SHROOM3: variants seen among roughly 807,000 people sequenced by gnomAD.
The protein encoded by SHROOM3 is protein Shroom3.
A neutral mutation model predicts 138.6 loss-of-function variants in SHROOM3; 47 were observed. The observed-to-expected ratio is 0.34, with a 90% CI of 0.27 to 0.43. The LOEUF (loss-of-function observed/expected upper bound fraction) is 0.43. Among genes scored for constraint, SHROOM3 ranks in the 20% least tolerant of loss-of-function variants. The pLI, the probability that SHROOM3 is intolerant of heterozygous loss-of-function variation, is 1.00. For missense variants in SHROOM3, 2,491 were observed against 2,596.5 expected, an observed-to-expected ratio of 0.96 and a Z score of 0.88; for synonymous variants, 1,062 against 1,063.3, an observed-to-expected ratio of 1.00 and a Z score of 0.02.
chr4:76,768,676 A>C (rs999315619), intron 9 of SHROOM3, among the ~76,000 whole-genome samples: 1 of 152,006 alleles, frequency 6.6e-6, no homozygotes, highest in African/African-American at 2.4e-5. Flanking sequence ...ACGCCTGGCT[A>C]ATTTTTGTAT....
chr4:76,622,663 G>A (rs1414711799), intron 2 of SHROOM3, among the ~76,000 whole-genome samples: 1 of 152,044 alleles, frequency 6.6e-6, no homozygotes. Flanking sequence ...TTCCTTGGTT[G>A]AAGAAAGGAG....
intron 2 of SHROOM3, among the ~76,000 whole-genome samples, chr4:76,560,772 A>G (rs755901315): frequency 6.6e-6 from 1 of 152,160 alleles, no homozygotes; most frequent in Non-Finnish European, 1.5e-5. Context: ...GTCAGAGAGG[A>G]TACCTGAGAT....
At chr4:76,661,959 T>C (rs1171769133) in intron 2 of SHROOM3, among the ~76,000 whole-genome samples, 2 of 152,206 alleles carry the variant, frequency 1.3e-5, no homozygotes, top group Non-Finnish European at 2.9e-5. Flanking sequence ...TTTTCCAAAG[T>C]GTGGTACCAT....
intron 2 of SHROOM3, among the ~76,000 whole-genome samples, chr4:76,602,814 C>A (rs1265581073): frequency 6.6e-6 from 1 of 152,170 alleles, no homozygotes; most frequent in East Asian, 1.9e-4. Flanking sequence ...TGTGACCGTG[C>A]AACCTTAGAC....
rs143641061 is a variant in SHROOM3 at position 76,527,938 on chromosome 4, C to T, written c.169-27671C>T. 1.6e-3 allele frequency among the ~76,000 whole-genome samples: 247 copies of T among 152,280 alleles called. 3 individuals carry two copies. In the East Asian group the frequency reaches 0.028, roughly 17 times the overall value. ...GGTGGAAGGGCCCTGTTGATTTAGACGCCAAGGTTCTTCACAAGGGAGGGT... is the reference window on the plus strand; with the variant it reads ...GGTGGAAGGGCCCTGTTGATTTAGATGCCAAGGTTCTTCACAAGGGAGGGT... On this transcript the variant is annotated intron_variant, in intron 1 of 10. Coordinates refer to ENST00000296043, the MANE Select transcript of SHROOM3 (RefSeq NM_020859.4).
At chr4:76,673,905 CTT>C (rs1420517216) in intron 2 of SHROOM3, among the ~76,000 whole-genome samples, 1 of 152,156 alleles carries the variant, frequency 6.6e-6, no homozygotes, top group Non-Finnish European at 1.5e-5. Flanking sequence ...CAGGGTTTCA[CTT>C]TGTTGCCTAA....
At chr4:76,569,248 A>AAG (rs1733788228) in intron 2 of SHROOM3, among the ~76,000 whole-genome samples, 1 of 106,480 alleles carries the variant, frequency 9.4e-6, no homozygotes, top group Non-Finnish European at 2.1e-5. Context: ...CCAATTTGTC[A>AAG]GGGGGGGAAA....
intron 2 of SHROOM3, among the ~76,000 whole-genome samples, chr4:76,701,132 C>T (rs373770925): frequency 3.3e-5 from 5 of 152,050 alleles, no homozygotes; most frequent in Admixed American, 1.3e-4. Flanking sequence ...GCAGTGTGAC[C>T]GGCGCTAGAA....
At chr4:76,496,306 C>T (rs915065629) in intron 1 of SHROOM3, among the ~76,000 whole-genome samples, 1 of 152,204 alleles carries the variant, frequency 6.6e-6, no homozygotes, top group Non-Finnish European at 1.5e-5. Context: ...AAGGAATTCA[C>T]ACTGCACATG....
chr4:76,656,653 A>G (rs1174998304), intron 2 of SHROOM3, among the ~76,000 whole-genome samples: 4 of 152,216 alleles, frequency 2.6e-5, no homozygotes, highest in Non-Finnish European at 5.9e-5. Flanking sequence ...ATCTCCAATA[A>G]GGCACATGCA....
At chr4:76,564,017 G>T (rs1186905573) in intron 2 of SHROOM3, among the ~76,000 whole-genome samples, 4 of 152,192 alleles carry the variant, frequency 2.6e-5, no homozygotes, top group Admixed American at 2.6e-4. Context: ...CCACTCTATG[G>T]TTCTGTGTTA....
intron 1 of SHROOM3, among the ~76,000 whole-genome samples, chr4:76,494,946 C>T (rs1200093879): frequency 1.3e-5 from 2 of 152,218 alleles, no homozygotes; most frequent in African/African-American, 4.8e-5. Flanking sequence ...TCTTAACTAC[C>T]TCAGAACCAC....
intron 2 of SHROOM3, among the ~76,000 whole-genome samples, chr4:76,581,951 A>T (rs1336548483): frequency 6.6e-6 from 1 of 152,220 alleles, no homozygotes; most frequent in African/African-American, 2.4e-5. Flanking sequence ...ATGCAGTGTG[A>T]CTTCCAAAAG....
chr4:76,524,760 T>A (rs1413851359), intron 1 of SHROOM3, among the ~76,000 whole-genome samples: 2 of 152,162 alleles, frequency 1.3e-5, no homozygotes, highest in Non-Finnish European at 1.5e-5. Context: ...GCTTTTTATG[T>A]TAGTTTATGA....
chr4:76,537,496 G>A (rs6819880), intron 1 of SHROOM3, among the ~76,000 whole-genome samples: 3,282 of 152,288 alleles, frequency 0.022, 119 homozygotes, highest in African/African-American at 0.073. Flanking sequence ...GGGCAAGGAT[G>A]TGGAATGAGG....
At chr4:76,452,760 C>G (rs1405456708) in intron 1 of SHROOM3, among the ~76,000 whole-genome samples, 1 of 152,178 alleles carries the variant, frequency 6.6e-6, no homozygotes, top group Non-Finnish European at 1.5e-5. Flanking sequence ...TCTTGTCATC[C>G]AGGCTGGAGT....
At chr4:76,678,722 G>A (rs1455143638) in intron 2 of SHROOM3, among the ~76,000 whole-genome samples, 26 of 152,068 alleles carry the variant, frequency 1.7e-4, no homozygotes, top group Admixed American at 1.4e-3. Flanking sequence ...GTGCAATGGC[G>A]CGATCCTGGC....
intron 3 of SHROOM3, among the ~76,000 whole-genome samples, chr4:76,717,164 C>T (rs901884008): frequency 6.6e-6 from 1 of 152,032 alleles, no homozygotes; most frequent in Non-Finnish European, 1.5e-5. Context: ...TTTTACTCCA[C>T]TCTCTTCTTT....
Position 76,441,256 on chromosome 4 carries a change from G to C in SHROOM3, c.168+5036G>C, listed in dbSNP as rs189950539. Among the ~76,000 whole-genome samples, 1,329 of 151,854 alleles carry C rather than the reference G, an allele frequency of 8.8e-3. 16 individuals are homozygous for C. Among genetic ancestry groups the C allele is most frequent in the African/African-American group, 0.03 (1,254 of 41,414 alleles). On this transcript the variant is annotated intron_variant, in intron 1 of 10. Transcript: ENST00000296043. ...ACTACAGGCGCCTGCCACACGCCTG[G>C]CTAATTTTTTGTATTTTTAGTAGAG...
Sources: allele counts gnomAD v4.1 joint callset (sites outside exome capture counted in the v4.1 genomes callset), GRCh38; gene constraint gnomAD v4.1.1; transcripts MANE v1.5; gene names NCBI Gene and HGNC (gene_info 2026-07-23, HGNC 2026-07-21).